Variants in XKR4 observed in about 807,000 individuals in gnomAD.
The protein encoded by XKR4 is XK-related protein 4.
XKR4 carries 12 observed loss-of-function variants against 53.9 expected under a neutral mutation model. The ratio of observed to expected loss-of-function variants is 0.22; its 90% CI spans 0.14 to 0.36. The LOEUF is 0.36. XKR4 is among the 10% of genes least tolerant of loss of function. The pLI is 1.00. For synonymous variants in XKR4, 354 were observed against 362.4 expected, an observed-to-expected ratio of 0.98 and a Z score of 0.26; for missense variants, 799 against 859.5, an observed-to-expected ratio of 0.93 and a Z score of 0.88.
At chr8:55,180,266 G>T (rs1292043802) in intron 1 of XKR4, among the ~76,000 whole-genome samples, 1 of 152,160 alleles carries the variant, frequency 6.6e-6, no homozygotes, top group African/African-American at 2.4e-5. Flanking sequence ...TGCATGGAGT[G>T]GTGTGTGAAT....
chr8:55,178,443 C>T (rs1025375687), intron 1 of XKR4, among the ~76,000 whole-genome samples: 5 of 152,174 alleles, frequency 3.3e-5, no homozygotes, highest in Admixed American at 6.5e-5. Flanking sequence ...TACTGAACGT[C>T]AAACGTTCAG....
chr8:55,297,853 T>A (rs1819122477), intron 1 of XKR4, among the ~76,000 whole-genome samples: 1 of 152,186 alleles, frequency 6.6e-6, no homozygotes, highest in African/African-American at 2.4e-5. Context: ...CACCTAAAAT[T>A]TATTTGCAAT....
intron 1 of XKR4, among the ~76,000 whole-genome samples, chr8:55,273,926 T>C (rs1818728725): frequency 6.6e-6 from 1 of 152,198 alleles, no homozygotes; most frequent in East Asian, 1.9e-4. Context: ...GTGGTTACAC[T>C]ACCATCTAGT....
chr8:55,237,816 C>T (rs1416769221), intron 1 of XKR4, among the ~76,000 whole-genome samples: 1 of 152,148 alleles, frequency 6.6e-6, no homozygotes, highest in African/African-American at 2.4e-5. Context: ...TCTGTTACTT[C>T]ACCTGATTTA....
chr8:55,230,493 C>T (rs4507745), intron 1 of XKR4, among the ~76,000 whole-genome samples: 75,883 of 151,672 alleles, frequency 0.5, 21,807 homozygotes, highest in Non-Finnish European at 0.65. Flanking sequence ...CTCAGCCTCC[C>T]GAGTAGCTGG....
At chr8:55,509,486 G>A (rs1806591071) in intron 2 of XKR4, among the ~76,000 whole-genome samples, 1 of 152,058 alleles carries the variant, frequency 6.6e-6, no homozygotes, top group Non-Finnish European at 1.5e-5. Context: ...ACAGAATTTT[G>A]TTATTTAAAA....
chr8:55,514,222 A>ATGCT (rs1324388895), intron 2 of XKR4, among the ~76,000 whole-genome samples: 2 of 151,556 alleles, frequency 1.3e-5, no homozygotes, highest in East Asian at 3.9e-4. Context: ...ACACATAGCA[A>ATGCT]TGCTTGCTTG....
At chr8:55,421,213 T>A (rs1183389426) in intron 2 of XKR4, among the ~76,000 whole-genome samples, 1 of 152,222 alleles carries the variant, frequency 6.6e-6, no homozygotes, top group Non-Finnish European at 1.5e-5. Context: ...TCCTCTTTGA[T>A]TCTCACAATA....
intron 1 of XKR4, among the ~76,000 whole-genome samples, chr8:55,232,895 C>T (rs183241226): frequency 6.6e-6 from 1 of 152,300 alleles, no homozygotes; most frequent in Non-Finnish European, 1.5e-5. Flanking sequence ...CTTCCACTCT[C>T]TCTGTTCTGG....
intron 2 of XKR4, among the ~76,000 whole-genome samples, chr8:55,376,055 A>G (rs965693172): frequency 6.6e-6 from 1 of 152,152 alleles, no homozygotes; most frequent in Admixed American, 6.6e-5. Context: ...CAAAGGACAC[A>G]ATCTCTTTCC....
intron 2 of XKR4, among the ~76,000 whole-genome samples, chr8:55,500,358 A>G (rs569800936): frequency 6.6e-6 from 1 of 152,320 alleles, no homozygotes; most frequent in African/African-American, 2.4e-5. Context: ...AAAGGTCCAG[A>G]TGACCTATTT....
chr8:55,366,392 G>C (rs1383826396), intron 2 of XKR4, among the ~76,000 whole-genome samples: 5 of 152,210 alleles, frequency 3.3e-5, no homozygotes, highest in Middle Eastern at 3.2e-3. Context: ...GAAAGGCTAT[G>C]GTATGAGACA....
rs899362234 is a variant in XKR4, at chr8:55,142,069, T to C, written c.806+38775T>C. 3 of 455,856 alleles carry C rather than the reference T, an allele frequency of 6.6e-6. No homozygotes were observed. The Admixed American group carries it at 7.1e-5, about 11-fold the overall frequency. The allele number at this position is 455,856 out of a possible 1,614,324, so 28.2% of individuals were successfully genotyped here. A position where few individuals can be genotyped will look rare whatever the true frequency, so the allele number is the denominator to read the frequency against. On this transcript the variant is annotated intron_variant, in intron 1 of 2. Coordinates refer to ENST00000327381, the MANE Select transcript of XKR4 (RefSeq NM_052898.2). ...TGCCACCCCCAACAGCCTTGCAGCC[T>C]CCCTGGTGACTTTCTGGGCTGCTGG...
intron 2 of XKR4, chr8:55,454,856 C>T: frequency 2.6e-6 from 2 of 764,792 alleles, no homozygotes; most frequent in East Asian, 2.5e-5. Context: ...CTTCCTCCCA[C>T]TCAGTGGCAT....
Position 55,524,181 on chromosome 8 carries a change from A to G in XKR4, c.1907A>G (p.Asp636Gly), listed in dbSNP as rs1389174774. The part of the protein sequence containing the change: ...SPSPPRLQYK[D>G]DALIQERLEY... ...TCTCCTCCAAGGCTGCAGTACAAAGATGATGCCCTTATTCAGGAGCGGTTG... is the reference window on the plus strand; with the variant it reads ...TCTCCTCCAAGGCTGCAGTACAAAGGTGATGCCCTTATTCAGGAGCGGTTG... Residue 636 changes from aspartate (D) to glycine (G), a missense_variant, in exon 3 of 3, where the codon GAT becomes GGT. By Grantham distance (94) the Asp-to-Gly change is moderately conservative. Around this residue, in one of 3 missense-constraint regions of XKR4, gnomAD observed 269 missense variants for 264.4 expected, o/e 1.02. Transcript: ENST00000327381. 1.2e-6 allele frequency: 2 copies of G among 1,614,194 alleles called. No homozygotes were observed. The highest frequency in any genetic ancestry group is 2.2e-5 in the East Asian group (1 of 44,886).
rs1160222775 is a variant in XKR4 at position 55,368,188 on chromosome 8, C to T, written c.1006+10311C>T. 5.3e-5 allele frequency among the ~76,000 whole-genome samples: 8 copies of T among 152,010 alleles called. No individual in the cohort carries two copies. In the South Asian group the frequency reaches 6.2e-4, roughly 12 times the overall value. ...GTTGGCCAGGCTGGTCTTGAACTCC[C>T]GACCTCAGGTGATCCACCCGCCTCC... On this transcript the variant is annotated intron_variant, in intron 2 of 2. Coordinates refer to ENST00000327381, the MANE Select transcript of XKR4 (RefSeq NM_052898.2).
At chr8:55,363,742 T>C (rs1803934593) in intron 2 of XKR4, among the ~76,000 whole-genome samples, 1 of 152,128 alleles carries the variant, frequency 6.6e-6, no homozygotes, top group South Asian at 2.1e-4. Context: ...CCCCTACCTC[T>C]GGATTCTGCA....
chr8:55,259,742 C>G (rs1289508067), intron 1 of XKR4, among the ~76,000 whole-genome samples: 2 of 152,054 alleles, frequency 1.3e-5, no homozygotes, highest in African/African-American at 2.4e-5. Flanking sequence ...AGTGGAGAAC[C>G]GAAAGGCTTA....
intron 2 of XKR4, among the ~76,000 whole-genome samples, chr8:55,512,286 T>C (rs944091351): frequency 6.6e-6 from 1 of 152,222 alleles, no homozygotes; most frequent in Non-Finnish European, 1.5e-5. Context: ...ACACGCACCT[T>C]GCCACGTGGC....
Sources: allele counts gnomAD v4.1 joint callset (sites outside exome capture counted in the v4.1 genomes callset), GRCh38; gene constraint gnomAD v4.1.1; regional missense constraint gnomAD v4.1.1; transcripts MANE v1.5; gene names NCBI Gene and HGNC (gene_info 2026-07-23, HGNC 2026-07-21).